Variants in TUSC3 observed in about 807,000 individuals in gnomAD.
The protein encoded by TUSC3 is tumor suppressor candidate 3.
A neutral mutation model predicts 44.8 loss-of-function variants in TUSC3; 45 were observed. The ratio of observed to expected loss-of-function variants is 1.00; its 90% CI spans 0.79 to 1.29. The LOEUF (loss-of-function observed/expected upper bound fraction) is 1.29, where lower values mean the gene tolerates loss of function less well. Among genes scored for constraint, TUSC3 ranks in the 50% most tolerant of loss-of-function variants. TUSC3 has a pLI of 0.00. For missense variants in TUSC3, 519 were observed against 437.9 expected (o/e 1.19, Z -1.65); for synonymous variants, 212 against 152.9 (o/e 1.39, Z -2.85).
intron 1 of TUSC3, among the ~76,000 whole-genome samples, chr8:15,604,806 C>T (rs1303812749): frequency 4.0e-5 from 6 of 151,236 alleles, no homozygotes; most frequent in African/African-American, 1.5e-4. Flanking sequence ...TACATTTTTT[C>T]TATATTTGGC....
chr8:15,631,950 G>A (rs1020453321), intron 2 of TUSC3, among the ~76,000 whole-genome samples: 10 of 152,004 alleles, frequency 6.6e-5, no homozygotes, highest in Non-Finnish European at 1.2e-4. Flanking sequence ...CTCCTGATCC[G>A]CCTGCCTTGG....
intron 9 of TUSC3, among the ~76,000 whole-genome samples, chr8:15,751,480 C>G (rs1395491144): frequency 6.6e-6 from 1 of 152,108 alleles, no homozygotes. Context: ...TACCGGTTCT[C>G]ACTCTCTCAA....
Position 15,757,324 on chromosome 8 carries a change from G to A in TUSC3, c.1029-467G>A, listed in dbSNP as rs115394964. ...TGAGATGAAAATGGAATGATATTCA[G>A]TAAGGAAATGTACAGAATAACAGCT... is the stretch of plus-strand genomic sequence containing the variant. On this transcript the variant is annotated intron_variant, in intron 9 of 10. Transcript: ENST00000503731. 3.3e-3 allele frequency among the ~76,000 whole-genome samples: 498 copies of A among 152,288 alleles called. 2 individuals are homozygous for A. The highest frequency in any genetic ancestry group is 0.012 in the African/African-American group (485 of 41,578).
At chr8:15,591,375 A>G (rs1803833340) in intron 1 of TUSC3, among the ~76,000 whole-genome samples, 1 of 152,174 alleles carries the variant, frequency 6.6e-6, no homozygotes, top group African/African-American at 2.4e-5. Flanking sequence ...GTCATATAGA[A>G]TAGGTTTTTG....
intron 2 of TUSC3, among the ~76,000 whole-genome samples, chr8:15,526,716 C>T (rs934940172): frequency 1.3e-5 from 2 of 152,058 alleles, no homozygotes; most frequent in Admixed American, 6.6e-5. Context: ...TATAAGTTAC[C>T]CAGTCTCAGG....
intron 2 of TUSC3, among the ~76,000 whole-genome samples, chr8:15,483,982 C>T (rs544797683): frequency 3.3e-5 from 5 of 152,138 alleles, no homozygotes; most frequent in African/African-American, 1.2e-4. Context: ...TGTTGACTGG[C>T]CCTCTCTATA....
chr8:15,529,386 A>T (rs186634804), intron 2 of TUSC3, among the ~76,000 whole-genome samples: 1 of 152,318 alleles, frequency 6.6e-6, no homozygotes, highest in African/African-American at 2.4e-5. Flanking sequence ...TAATATGGAA[A>T]ATGGCATTAA....
chr8:15,713,728 A>T (rs1317817161), intron 6 of TUSC3, among the ~76,000 whole-genome samples: 2 of 151,916 alleles, frequency 1.3e-5, no homozygotes, highest in African/African-American at 2.4e-5. Flanking sequence ...GATGCCAATT[A>T]TATTGGATTA....
chr8:15,653,606 T>A (rs539755432), intron 3 of TUSC3, among the ~76,000 whole-genome samples: 3 of 152,304 alleles, frequency 2.0e-5, no homozygotes, highest in African/African-American at 7.2e-5. Context: ...AACTGCCTTG[T>A]CTTTCCCAAA....
intron 1 of TUSC3, among the ~76,000 whole-genome samples, chr8:15,578,426 A>G (rs1457383320): frequency 8.4e-6 from 1 of 118,608 alleles, no homozygotes. Context: ...GTTTTTGCCC[A>G]TTCAGTATGA....
At chr8:15,545,667 T>C (rs1230633075) in intron 1 of TUSC3, among the ~76,000 whole-genome samples, 3 of 151,638 alleles carry the variant, frequency 2.0e-5, no homozygotes, top group Admixed American at 2.0e-4. Context: ...ACCAGCATGT[T>C]TAGTCCCATA....
chr8:15,692,123 T>G (rs981471040), intron 6 of TUSC3, among the ~76,000 whole-genome samples: 14 of 152,132 alleles, frequency 9.2e-5, no homozygotes, highest in Non-Finnish European at 1.5e-4. Flanking sequence ...GTGCATCACA[T>G]TTATTGATCT....
intron 2 of TUSC3, among the ~76,000 whole-genome samples, chr8:15,639,575 A>G (rs900422547): frequency 6.6e-6 from 1 of 152,240 alleles, no homozygotes; most frequent in Non-Finnish European, 1.5e-5. Context: ...ATTTAAAGAT[A>G]AAACTTTCTG....
In TUSC3 at chr8:15,463,957, C is replaced by A. The variant is rs570603599; in HGVS notation, n.92-19429C>A. Reference sequence around the variant, plus strand: ...CTTGCACATTTCTTTAGCAGCATTCCTTGACTACAGTTTTACAGATGAAGA... The same window carrying A: ...CTTGCACATTTCTTTAGCAGCATTCATTGACTACAGTTTTACAGATGAAGA... On this transcript the variant is annotated intron_variant and non_coding_transcript_variant, in intron 1 of 5. Coordinates refer to the TUSC3 transcript ENST00000503191. Among the ~76,000 whole-genome samples, 22 of 152,252 alleles carry A rather than the reference C, an allele frequency of 1.4e-4. 1 individual carries two copies. Among genetic ancestry groups the A allele is most frequent in the African/African-American group, 5.1e-4 (21 of 41,566 alleles).
At chr8:15,789,140 A>T in the TUSC3 span, among the ~76,000 whole-genome samples, 1 of 152,210 alleles carries the variant, frequency 6.6e-6, no homozygotes, top group Non-Finnish European at 1.5e-5. Flanking sequence ...CCAGAGTGTT[A>T]GGTAAAAACC....
chr8:15,419,955 A>C (rs1008657667), intron 1 of TUSC3, among the ~76,000 whole-genome samples: 1 of 152,152 alleles, frequency 6.6e-6, no homozygotes, highest in Non-Finnish European at 1.5e-5. Flanking sequence ...TATTTAATTG[A>C]AATCAGTGAG....
chr8:15,790,607 C>T, the TUSC3 span, among the ~76,000 whole-genome samples: 1 of 152,106 alleles, frequency 6.6e-6, no homozygotes, highest in Non-Finnish European at 1.5e-5. Flanking sequence ...TCACTTCATC[C>T]TGTTTGACCC....
chr8:15,776,451 A>C, the TUSC3 span, among the ~76,000 whole-genome samples: 5 of 152,058 alleles, frequency 3.3e-5, no homozygotes, highest in Admixed American at 1.3e-4. Flanking sequence ...AGTACTTGAC[A>C]TGTCAGTTAT....
intron 2 of TUSC3, among the ~76,000 whole-genome samples, chr8:15,639,497 A>G (rs993034361): frequency 2.0e-5 from 3 of 152,240 alleles, no homozygotes; most frequent in African/African-American, 7.2e-5. Flanking sequence ...CTTTATTTAT[A>G]TAGGTTATAA....
Sources: allele counts gnomAD v4.1 joint callset (sites outside exome capture counted in the v4.1 genomes callset), GRCh38; gene constraint gnomAD v4.1.1; transcripts MANE v1.5; gene names NCBI Gene and HGNC (gene_info 2026-07-23, HGNC 2026-07-21).